SLC4A8: variants seen among roughly 807,000 people sequenced by gnomAD.
The protein encoded by SLC4A8 is electroneutral sodium bicarbonate exchanger 1.
SLC4A8 carries 40 observed loss-of-function variants against 125.0 expected under a neutral mutation model. That is an observed-to-expected ratio of 0.32 (90% CI 0.25 to 0.42). The LOEUF (loss-of-function observed/expected upper bound fraction) is 0.42. Ranked by LOEUF, SLC4A8 falls within the 10% of genes least tolerant of loss-of-function variation. The pLI is 1.00. For missense variants in SLC4A8, 863 were observed against 1,355.1 expected (o/e 0.64, Z 5.70); for synonymous variants, 456 against 476.0 (o/e 0.96, Z 0.55).
chr12:51,408,153 A>G (rs1193364496), intron 1 of SLC4A8, among the ~76,000 whole-genome samples: 1 of 152,140 alleles, frequency 6.6e-6, no homozygotes, highest in Admixed American at 6.5e-5. Context: ...ATAAGGTTAT[A>G]TTCTTAGGTA....
intron 22 of SLC4A8, among the ~76,000 whole-genome samples, chr12:51,500,860 T>TTTTTC (rs1555199911): frequency 2.6e-5 from 4 of 151,046 alleles, no homozygotes; most frequent in Non-Finnish European, 4.4e-5. Context: ...CTTTTTTTTT[T>TTTTTC]TTTCTTTCTT....
chr12:51,394,075 T>C (rs1213423003), intron 1 of SLC4A8, among the ~76,000 whole-genome samples: 1 of 152,174 alleles, frequency 6.6e-6, no homozygotes, highest in Admixed American at 6.5e-5. Flanking sequence ...CCCTCAGGGG[T>C]TGTGTGATCC....
chr12:51,474,020 AAAAACAAAAAAAC>A lies in SLC4A8; in HGVS notation c.1905-311_1905-299del, dbSNP rs1307030950. ...AGAGCCTAAGAGATAGAAATCGGGC[AAAAACAAAAAAAC>A]AAAACAAAAACAAAAACAAAAAACA... is the stretch of plus-strand genomic sequence containing the variant. On this transcript the variant is annotated intron_variant, in intron 14 of 24. Transcript: ENST00000453097. Among the ~76,000 whole-genome samples the A allele has an allele frequency of 2.9e-4, 6 of 20,814 alleles. No homozygotes were observed. The East Asian group carries it at 3.9e-3, about 14-fold the overall frequency. The allele number at this position is 20,814 out of a possible 152,430, so 13.7% of individuals were successfully genotyped here.
At chr12:51,458,532 G>T (rs748334615) in intron 6 of SLC4A8, 27 bp from the exon 7 acceptor site, 3 of 1,545,374 alleles carry the variant, frequency 1.9e-6, no homozygotes, top group Admixed American at 3.3e-5. Context: ...CAGGGACTCA[G>T]GATTTTGTTT....
At chr12:51,493,406 T>A (rs890267877) in intron 19 of SLC4A8, among the ~76,000 whole-genome samples, 1 of 148,914 alleles carries the variant, frequency 6.7e-6, no homozygotes, top group Non-Finnish European at 1.5e-5. Context: ...GTGTGTGTGT[T>A]TGTGTGTGTG....
intron 23 of SLC4A8, among the ~76,000 whole-genome samples, chr12:51,505,603 T>C (rs1938133978): frequency 6.6e-6 from 1 of 152,208 alleles, no homozygotes; most frequent in African/African-American, 2.4e-5. Context: ...GGCTGCCACC[T>C]GGCACACCAG....
At chr12:51,482,513 G>A (rs967462515) in intron 16 of SLC4A8, among the ~76,000 whole-genome samples, 10 of 151,964 alleles carry the variant, frequency 6.6e-5, no homozygotes, top group East Asian at 1.9e-4. Flanking sequence ...CTGTGTAGCC[G>A]GGATTACAAG....
chr12:51,403,598 G>A (rs1948434257), intron 1 of SLC4A8, among the ~76,000 whole-genome samples: 2 of 152,196 alleles, frequency 1.3e-5, no homozygotes, highest in South Asian at 2.1e-4. Context: ...AGAGTCTGCC[G>A]ATGTTACCAT....
chr12:51,427,900 A>G (rs78027702), intron 1 of SLC4A8, among the ~76,000 whole-genome samples: 10,255 of 152,174 alleles, frequency 0.067, 1,053 homozygotes, highest in African/African-American at 0.22. Context: ...ATCATGTCAC[A>G]TCTTATCTTG....
At position 51,495,040 on chromosome 12, in the gene SLC4A8, C is replaced by T; in HGVS notation, c.2865C>T (p.Phe955=). The T allele has an allele frequency of 6.2e-7, 1 of 1,614,226 alleles. No homozygotes were observed. Among genetic ancestry groups the T allele is most frequent in the South Asian group, 1.1e-5 (1 of 91,084 alleles). Residue 955 remains phenylalanine (F), a synonymous_variant, in exon 21 of 25, where the codon TTC becomes TTT. Coordinates refer to ENST00000453097, the MANE Select transcript of SLC4A8 (RefSeq NM_001039960.3). Reference sequence around the variant, plus strand: ...TGCCGCTGCGCAAAGTGCACCTCTTCACCCTCATCCAGTTGACCTGTCTCG... The same window carrying T: ...TGCCGCTGCGCAAAGTGCACCTCTTTACCCTCATCCAGTTGACCTGTCTCG... ...RHVPLRKVHL[F]TLIQLTCLVL...
At chr12:51,396,860 A>G (rs1242050540) in intron 1 of SLC4A8, among the ~76,000 whole-genome samples, 1 of 151,470 alleles carries the variant, frequency 6.6e-6, no homozygotes, top group Non-Finnish European at 1.5e-5. Context: ...AACTCACAGC[A>G]TTACTTTAAA....
chr12:51,452,319 A>C, intron 4 of SLC4A8, 60 bp downstream of exon 4: 1 of 1,573,264 alleles, frequency 6.4e-7, no homozygotes, highest in African/African-American at 1.3e-5. Flanking sequence ...TGTACCCTTC[A>C]GCAAGTGACA....
At chr12:51,432,657 A>G (rs906199954) in intron 1 of SLC4A8, among the ~76,000 whole-genome samples, 1 of 151,898 alleles carries the variant, frequency 6.6e-6, no homozygotes, top group Non-Finnish European at 1.5e-5. Flanking sequence ...CAGGAGACAG[A>G]GGTTGCGATG....
In SLC4A8 at chr12:51,499,673, G is replaced by A. The variant is rs571836465; in HGVS notation, c.3081+2549G>A. 1.1e-4 allele frequency among the ~76,000 whole-genome samples: 16 copies of A among 139,734 alleles called. No homozygotes were observed. The South Asian group carries it at 3.2e-3, about 28-fold the overall frequency. 91.7% of individuals were successfully genotyped at this position (139,734 alleles called of 152,430 possible). ...CACACACACACGTATATAATTTTAG[G>A]TAGTGATATGTTTTAAGAAGGTAGG... On this transcript the variant is annotated intron_variant, in intron 22 of 24. Transcript: ENST00000453097.
chr12:51,506,709 C>T (rs1020438208), intron 24 of SLC4A8, among the ~76,000 whole-genome samples: 2 of 152,242 alleles, frequency 1.3e-5, no homozygotes, highest in African/African-American at 4.8e-5. Context: ...GCTGGGATTA[C>T]AGGCGTGGGC....
At chr12:51,405,367 A>G (rs1278050407) in intron 1 of SLC4A8, among the ~76,000 whole-genome samples, 6 of 152,198 alleles carry the variant, frequency 3.9e-5, no homozygotes, top group African/African-American at 1.4e-4. Context: ...ATTCCCTCTG[A>G]GCACTGGAGA....
At chr12:51,400,781 TACATACAC>T (rs1408803771) in intron 1 of SLC4A8, among the ~76,000 whole-genome samples, 3,014 of 6,888 alleles carry the variant, frequency 0.44, 497 homozygotes, top group Non-Finnish European at 0.5. Flanking sequence ...TATATATACA[TACATACAC>T]ACACACACAC....
rs114279888 is a variant in SLC4A8, at chr12:51,433,326, G to A, written c.49-7382G>A. Among the ~76,000 whole-genome samples, 513 of 152,236 alleles carry A rather than the reference G, an allele frequency of 3.4e-3. 2 individuals carry two copies. Among genetic ancestry groups the A allele is most frequent in the African/African-American group, 0.012 (491 of 41,536 alleles). On this transcript the variant is annotated intron_variant, in intron 1 of 24. Transcript: ENST00000453097. ...GGCACTCAAGTCAATTCACATTTAC[G>A]TAGTGGGTCATTATCAGTGAACTAA...
chr12:51,411,229 T>A (rs1948591988), intron 1 of SLC4A8, among the ~76,000 whole-genome samples: 1 of 152,120 alleles, frequency 6.6e-6, no homozygotes. Context: ...GATGCTTTAA[T>A]CTTTTCTGAT....
Sources: allele counts gnomAD v4.1 joint callset (sites outside exome capture counted in the v4.1 genomes callset), GRCh38; gene constraint gnomAD v4.1.1; transcripts MANE v1.5; gene names NCBI Gene and HGNC (gene_info 2026-07-23, HGNC 2026-07-21).